TPP2: variants seen among roughly 807,000 people sequenced by gnomAD.
The protein encoded by TPP2 is tripeptidyl-peptidase 2.
Under a neutral mutation model 155.9 loss-of-function variants are expected in TPP2, and 34 were observed. That is an observed-to-expected ratio of 0.22 (90% confidence interval 0.17 to 0.29). TPP2 has a LOEUF of 0.29. Among genes scored for constraint, TPP2 ranks in the 10% least tolerant of loss-of-function variants. The probability of loss-of-function intolerance (pLI) is 1.00; values close to 1 mark genes in which losing one functional copy is unlikely to be tolerated. For synonymous variants in TPP2, 510 were observed against 529.4 expected (o/e 0.96, Z 0.50); for missense variants, 1,028 against 1,522.3 (o/e 0.68, Z 5.40).
intron 27 of TPP2, among the ~76,000 whole-genome samples, chr13:102,670,610 A>G (rs1001024471): frequency 2.2e-4 from 33 of 152,202 alleles, no homozygotes; most frequent in Admixed American, 2.0e-3. Context: ...GAAAAATAGC[A>G]TGCTCTATTT....
At chr13:102,634,192 T>C in intron 11 of TPP2, 94 bp downstream of exon 11, 2 of 1,522,344 alleles carry the variant, frequency 1.3e-6, no homozygotes, top group Non-Finnish European at 1.8e-6. Context: ...GAATTGATAA[T>C]TCCCTGGGCA....
intron 27 of TPP2, among the ~76,000 whole-genome samples, chr13:102,669,846 T>G (rs1884854953): frequency 6.6e-6 from 1 of 152,090 alleles, no homozygotes. Context: ...CCCAAATGTA[T>G]GTAATAAAAA....
At chr13:102,663,126 A>AT (rs1305310108) in intron 25 of TPP2, among the ~76,000 whole-genome samples, 93 of 84,682 alleles carry the variant, frequency 1.1e-3, no homozygotes, top group African/African-American at 7.9e-3. Context: ...TGATTTATTT[A>AT]TTTATTTTTT....
chr13:102,647,391 G>A (rs192866583), intron 21 of TPP2, 47 bp downstream of exon 21: 85 of 1,579,810 alleles, frequency 5.4e-5, no homozygotes, highest in Non-Finnish European at 6.7e-5. Context: ...GCTGTTTCCT[G>A]AACTAACAAA....
intron 18 of TPP2, 52 bp downstream of exon 18, chr13:102,644,725 G>A (rs2139532524): frequency 1.3e-6 from 2 of 1,489,128 alleles, no homozygotes; most frequent in Non-Finnish European, 1.8e-6. Flanking sequence ...TTGTGTTACT[G>A]GAGAGTAACT....
At chr13:102,652,072 G>A (rs1306572052) in intron 24 of TPP2, among the ~76,000 whole-genome samples, 2 of 152,090 alleles carry the variant, frequency 1.3e-5, no homozygotes, top group Admixed American at 6.6e-5. Context: ...AAAAGAAAAT[G>A]TCTGCTATAA....
At chr13:102,610,417 AC>A (rs1415773179) in intron 2 of TPP2, among the ~76,000 whole-genome samples, 1 of 151,996 alleles carries the variant, frequency 6.6e-6, no homozygotes, top group Non-Finnish European at 1.5e-5. Context: ...TTTAGTAGAG[AC>A]TGGGTTTCAC....
intron 16 of TPP2, among the ~76,000 whole-genome samples, chr13:102,641,236 T>G (rs931193238): frequency 6.6e-6 from 1 of 152,170 alleles, no homozygotes; most frequent in Non-Finnish European, 1.5e-5. Flanking sequence ...AATTTACAAT[T>G]TAGCAGTCAG....
intron 9 of TPP2, 23 bp downstream of exon 9, chr13:102,629,632 A>C (rs1686263108): frequency 1.3e-6 from 2 of 1,549,112 alleles, no homozygotes; most frequent in Non-Finnish European, 1.7e-6. Context: ...TTTTAGAAAT[A>C]GATTTGTTTA....
At chr13:102,607,988 A>G (rs1379550971) in intron 2 of TPP2, 1 of 153,368 alleles carries the variant, frequency 6.5e-6, no homozygotes, top group Non-Finnish European at 1.5e-5. Flanking sequence ...TATGTGTACC[A>G]TATGTATTGC....
At position 102,630,838 on chromosome 13, in the gene TPP2, C is replaced by T. The variant is rs188248728; in HGVS notation, c.1244+643C>T. ...CTGAAAAATAAAGCCTATTTTAATT[C>T]ATCTGTTTGGAGTTAATTTATAAAA... On this transcript the variant is annotated intron_variant, in intron 10 of 29. Coordinates refer to ENST00000376052, the MANE Select transcript of TPP2 (RefSeq NM_001330588.2). 7.2e-4 allele frequency among the ~76,000 whole-genome samples: 110 copies of T among 152,272 alleles called. 1 individual carries two copies. Among genetic ancestry groups the T allele is most frequent in the African/African-American group, 2.6e-3 (108 of 41,554 alleles).
intron 6 of TPP2, among the ~76,000 whole-genome samples, chr13:102,625,264 A>C (rs1444425522): frequency 1.4e-5 from 2 of 146,768 alleles, no homozygotes; most frequent in African/African-American, 5.1e-5. Context: ...TCCCGGGTTC[A>C]TGCCATTCTC....
chr13:102,655,490 T>C (rs930260614), intron 24 of TPP2, among the ~76,000 whole-genome samples: 5 of 152,210 alleles, frequency 3.3e-5, no homozygotes, highest in African/African-American at 1.2e-4. Flanking sequence ...AACGACTTAA[T>C]TAAGGACACC....
At chr13:102,651,983 G>A (rs1368906046) in intron 24 of TPP2, among the ~76,000 whole-genome samples, 1 of 152,118 alleles carries the variant, frequency 6.6e-6, no homozygotes, top group East Asian at 1.9e-4. Flanking sequence ...TAAGCCCATC[G>A]CTACTAAGTG....
At chr13:102,617,668 G>A (rs551150997) in intron 4 of TPP2, among the ~76,000 whole-genome samples, 4 of 152,222 alleles carry the variant, frequency 2.6e-5, no homozygotes, top group East Asian at 1.9e-4. Context: ...CTTCCCTCTA[G>A]GTTAATACTC....
In TPP2 at chr13:102,627,000, TTG is replaced by T. The variant is rs1381052325; in HGVS notation, c.785-8_785-7del. 1 of 1,520,020 alleles carries T rather than the reference TTG, an allele frequency of 6.6e-7. No homozygotes were observed. Among genetic ancestry groups the T allele is most frequent in the Non-Finnish European group, 8.8e-7 (1 of 1,135,742 alleles). 94.2% of individuals were successfully genotyped at this position (1,520,020 alleles called of 1,614,324 possible). A position where few individuals can be genotyped will look rare whatever the true frequency, so the allele number is the denominator to read the frequency against. On this transcript the variant is annotated splice_polypyrimidine_tract_variant and intron_variant, in intron 6 of 29. Coordinates refer to ENST00000376052, the MANE Select transcript of TPP2 (RefSeq NM_001330588.2). ...AGAATGTTTTGTCATTTCCCCACCTTTGTGTCTCTAGGAGCTCATGGGACACA... is the reference window on the plus strand; with the variant it reads ...AGAATGTTTTGTCATTTCCCCACCTTTGTCTCTAGGAGCTCATGGGACACA...
rs767703689 is a variant in TPP2, at chr13:102,674,476, C to T, written c.3565C>T (p.Leu1189Phe). 6.2e-7 allele frequency: 1 copy of T among 1,613,586 alleles called. No individual in the cohort carries two copies. Among genetic ancestry groups the T allele is most frequent in the Non-Finnish European group, 8.5e-7 (1 of 1,179,736 alleles). ...TFWETTKWTD[L>F]FDNKVLTFAY... ...TTGGGAAACTACTAAATGGACTGAT[C>T]TCTTTGACAATAAGGTAACGTTTCT... Residue 1189 changes from leucine (L) to phenylalanine (F), a missense_variant, in exon 28 of 30, where the codon CTC (leucine) becomes TTC (phenylalanine). By Grantham distance (22) the Leu-to-Phe change is conservative. Coordinates refer to ENST00000376052, the MANE Select transcript of TPP2 (RefSeq NM_001330588.2).
chr13:102,623,048 A>T lies in TPP2; in HGVS notation c.784+8A>T. ...CCATTGTGACCAGTGGAGGTATCCC[A>T]TTTCAGATTGACCAATGAGATATAG... On this transcript the variant is annotated splice_region_variant and intron_variant, in intron 6 of 29. Coordinates refer to ENST00000376052, the MANE Select transcript of TPP2 (RefSeq NM_001330588.2). 1 of 1,607,620 alleles carries T rather than the reference A, an allele frequency of 6.2e-7. No individual in the cohort carries two copies. The highest frequency in any genetic ancestry group is 8.5e-7 in the Non-Finnish European group (1 of 1,177,774).
intron 25 of TPP2, among the ~76,000 whole-genome samples, chr13:102,660,820 A>G (rs1284394636): frequency 6.6e-6 from 1 of 152,234 alleles, no homozygotes; most frequent in Admixed American, 6.5e-5. Context: ...GTCCAGAAAT[A>G]AAACCATGTG....
Sources: gnomAD v4.1 joint callset for allele counts (sites outside exome capture counted in the v4.1 genomes callset) on GRCh38, gnomAD v4.1.1 for gene constraint, MANE v1.5 for transcripts, NCBI Gene and HGNC (gene_info 2026-07-23, HGNC 2026-07-21) for gene names.